ITPR1: variants seen among roughly 807,000 people sequenced by gnomAD.
The protein encoded by ITPR1 is inositol 1,4,5-trisphosphate receptor type 1.
Under a neutral mutation model 318.4 loss-of-function variants are expected in ITPR1, and 96 were observed. That is an observed-to-expected ratio of 0.30 (90% confidence interval 0.26 to 0.36). ITPR1 has a LOEUF of 0.36. Among genes scored for constraint, ITPR1 ranks in the 10% least tolerant of loss-of-function variants. The pLI is 1.00. For missense variants in ITPR1, 2,440 were observed against 3,460.2 expected (o/e 0.71, Z 7.40); for synonymous variants, 1,312 against 1,289.9 (o/e 1.02, Z -0.37).
chr3:4,670,959 G>C, intron 20 of ITPR1, 33 bp downstream of exon 20: 2 of 1,464,032 alleles, frequency 1.4e-6, no homozygotes, highest in South Asian at 3.0e-5. Context: ...TCAGATTGGG[G>C]TGCCCCAAAA....
intron 39 of ITPR1, among the ~76,000 whole-genome samples, chr3:4,713,922 C>T (rs936020829): frequency 3.3e-5 from 5 of 152,126 alleles, no homozygotes; most frequent in Non-Finnish European, 4.4e-5. Context: ...GCTCTAGAAA[C>T]CCATGTTAGC....
rs747786151 is a variant in ITPR1, at chr3:4,676,593, GTC to G, written c.2780-16_2780-15del. The G allele has an allele frequency of 1.2e-6, 2 of 1,606,926 alleles. No homozygotes were observed. Among genetic ancestry groups the G allele is most frequent in the Non-Finnish European group, 1.7e-6 (2 of 1,174,950 alleles). Reference sequence around the variant, plus strand: ...ATTCTCTAGAGACATTGTGACCGTGGTCTCTCCTGGCCTTTCCTAGGCAGTAA... The same window carrying G: ...ATTCTCTAGAGACATTGTGACCGTGGTCTCCTGGCCTTTCCTAGGCAGTAA... On this transcript the variant is annotated intron_variant, in intron 23 of 61. Transcript: ENST00000649015.
chr3:4,683,473 A>G lies in ITPR1; in HGVS notation c.3249A>G (p.Pro1083=), dbSNP rs759531930. The stretch of plus-strand genomic sequence containing the variant: ...TCCACTTGACGATGCATGACTACCC[A>G]CCCCTGGTGTCAGGGGCCCTGCAGC... The part of the protein sequence containing the change: ...VLLHLTMHDY[P]PLVSGALQLL... The change falls in exon 27 of 62, where the codon CCA becomes CCG. Residue 1083 remains proline (P), a synonymous_variant. Transcript: ENST00000649015. 1 of 1,613,934 alleles carries G rather than the reference A, an allele frequency of 6.2e-7. No homozygotes were observed. The highest frequency in any genetic ancestry group is 8.5e-7 in the Non-Finnish European group (1 of 1,179,864).
At chr3:4,767,531 G>A (rs188480390) in intron 45 of ITPR1, among the ~76,000 whole-genome samples, 12 of 152,276 alleles carry the variant, frequency 7.9e-5, no homozygotes, top group South Asian at 2.1e-4. Flanking sequence ...TTTAAAAAAC[G>A]AAATCTTGGC....
At chr3:4,744,263 A>C (rs936492199) in intron 44 of ITPR1, among the ~76,000 whole-genome samples, 35 of 152,268 alleles carry the variant, frequency 2.3e-4, no homozygotes, top group Admixed American at 2.3e-3. Context: ...GTGAGGCATC[A>C]ATTCATTTTA....
At chr3:4,635,575 G>A (rs899910288) in intron 5 of ITPR1, among the ~76,000 whole-genome samples, 1 of 151,670 alleles carries the variant, frequency 6.6e-6, no homozygotes, top group African/African-American at 2.4e-5. Context: ...TCGATCTCCT[G>A]ACCTTGTGAT....
intron 3 of ITPR1, among the ~76,000 whole-genome samples, chr3:4,518,998 C>T (rs1204446133): frequency 1.3e-5 from 2 of 152,110 alleles, no homozygotes; most frequent in Admixed American, 6.5e-5. Flanking sequence ...AGAGTCCTGG[C>T]GTCAGTATAT....
intron 2 of ITPR1, among the ~76,000 whole-genome samples, chr3:4,497,182 T>A (rs1011124514): frequency 6.6e-6 from 1 of 152,220 alleles, no homozygotes; most frequent in Non-Finnish European, 1.5e-5. Flanking sequence ...ATTCTCTTGG[T>A]TTCTGTGGTT....
intron 2 of ITPR1, among the ~76,000 whole-genome samples, chr3:4,515,468 C>T (rs2124914564): frequency 6.6e-6 from 1 of 152,288 alleles, no homozygotes; most frequent in South Asian, 2.1e-4. Flanking sequence ...TTGCCCTGGG[C>T]ATCTCCACAG....
chr3:4,496,975 G>T (rs1211439824), intron 2 of ITPR1, among the ~76,000 whole-genome samples: 2 of 152,310 alleles, frequency 1.3e-5, no homozygotes, highest in African/African-American at 4.8e-5. Context: ...CAGGGCCAGT[G>T]TCTATCTTGT....
chr3:4,559,358 A>C (rs2125013868), intron 4 of ITPR1, among the ~76,000 whole-genome samples: 1 of 152,328 alleles, frequency 6.6e-6, no homozygotes, highest in South Asian at 2.1e-4. Context: ...ATTTGATTAA[A>C]AATTTTCAAG....
intron 4 of ITPR1, among the ~76,000 whole-genome samples, chr3:4,586,585 C>A (rs894684506): frequency 6.7e-6 from 1 of 149,910 alleles, no homozygotes; most frequent in Non-Finnish European, 1.5e-5. Flanking sequence ...TCATGGCTCC[C>A]TGCAGCTTTG....
chr3:4,656,680 A>G (rs7643879), intron 12 of ITPR1, among the ~76,000 whole-genome samples: 5,822 of 152,248 alleles, frequency 0.038, 369 homozygotes, highest in African/African-American at 0.13. Flanking sequence ...AGATTCTCCC[A>G]GGCTCTCTCC....
chr3:4,574,015 G>A (rs2088325522), intron 4 of ITPR1, among the ~76,000 whole-genome samples: 2 of 152,226 alleles, frequency 1.3e-5, no homozygotes, highest in Non-Finnish European at 2.9e-5. Flanking sequence ...GTAGCCATGT[G>A]TTTAAGCAGC....
At chr3:4,612,189 G>GC (rs2092165958) in intron 4 of ITPR1, among the ~76,000 whole-genome samples, 2 of 150,196 alleles carry the variant, frequency 1.3e-5, no homozygotes, top group African/African-American at 4.9e-5. Flanking sequence ...AGCCTCCCGA[G>GC]TAGCTGGGAT....
chr3:4,635,438 C>G (rs1388537085), intron 5 of ITPR1, among the ~76,000 whole-genome samples: 1 of 151,992 alleles, frequency 6.6e-6, no homozygotes, highest in Admixed American at 6.6e-5. Context: ...CCTCCCGGGT[C>G]CACCCCTTTC....
At position 4,691,171 on chromosome 3, in the gene ITPR1, A is replaced by C. The variant is rs1169757508; in HGVS notation, c.3856A>C (p.Ile1286Leu). Residue 1286 changes from isoleucine (I) to leucine (L), a missense_variant, in exon 32 of 62, where the codon ATC (isoleucine) becomes CTC (leucine). Coordinates refer to ENST00000649015, the MANE Select transcript of ITPR1 (RefSeq NM_001378452.1). ...GILEAVTMQH[I>L]FMNNFQLCSE... ...CCTGGAGGCAGTAACCATGCAGCAC[A>C]TCTTCATGAACAATTTCCAGCTTTG... 6.2e-7 allele frequency: 1 copy of C among 1,612,360 alleles called. No individual in the cohort carries two copies. Among genetic ancestry groups the C allele is most frequent in the Admixed American group, 1.7e-5 (1 of 59,928 alleles).
In ITPR1 at chr3:4,846,559, G is replaced by GTAT. The variant is rs2051794022; in HGVS notation, c.*336_*338dup. ...TTTGTATTTAAAACTAGAATAGCCA[G>GTAT]TATTTATGTTTTTTATAAAACTGTG... On this transcript the variant is annotated 3_prime_UTR_variant, in exon 62 of 62. Transcript: ENST00000649015. 1 of 179,434 alleles carries GTAT rather than the reference G, an allele frequency of 5.6e-6. No homozygotes were observed. The highest frequency in any genetic ancestry group is 1.2e-5 in the Non-Finnish European group (1 of 85,520). The allele number at this position is 179,434 out of a possible 1,614,324, so 11.1% of individuals were successfully genotyped here. A position where few individuals can be genotyped will look rare whatever the true frequency, so the allele number is the denominator to read the frequency against.
At chr3:4,793,008 G>A (rs1048287654) in intron 52 of ITPR1, among the ~76,000 whole-genome samples, 1 of 152,150 alleles carries the variant, frequency 6.6e-6, no homozygotes, top group Non-Finnish European at 1.5e-5. Context: ...AGGGGAGTGG[G>A]AGAAGTGTCT....
Sources: allele counts gnomAD v4.1 joint callset (sites outside exome capture counted in the v4.1 genomes callset), GRCh38; gene constraint gnomAD v4.1.1; transcripts MANE v1.5; gene names NCBI Gene and HGNC (gene_info 2026-07-23, HGNC 2026-07-21).